CRTC3: variants seen among roughly 807,000 people sequenced by gnomAD.
The protein encoded by CRTC3 is CREB-regulated transcription coactivator 3.
In CRTC3, 26 loss-of-function variants were observed where a neutral mutation model predicts 74.5. That is an observed-to-expected ratio of 0.35 (90% CI 0.26 to 0.48). The LOEUF (loss-of-function observed/expected upper bound fraction) is 0.48, where lower values mean the gene tolerates loss of function less well. Among genes scored for constraint, CRTC3 ranks in the 20% least tolerant of loss-of-function variants. CRTC3 has a pLI of 0.99. For synonymous variants in CRTC3, 377 were observed against 325.8 expected (o/e 1.16, Z -1.69); for missense variants, 760 against 787.3 (o/e 0.97, Z 0.41).
chr15:90,548,165 A>C (rs1567161921), intron 2 of CRTC3, among the ~76,000 whole-genome samples: 1 of 151,970 alleles, frequency 6.6e-6, no homozygotes, highest in Non-Finnish European at 1.5e-5. Context: ...GTAGGATTAC[A>C]GGTGTGAGCC....
chr15:90,552,254 G>A (rs1330486950), intron 2 of CRTC3, among the ~76,000 whole-genome samples: 4 of 152,160 alleles, frequency 2.6e-5, no homozygotes, highest in South Asian at 2.1e-4. Flanking sequence ...ACTGCGGCCC[G>A]AGCAGCCGGC....
intron 9 of CRTC3, 50 bp from the exon 10 acceptor site, chr15:90,625,726 C>CAACA: frequency 6.5e-7 from 1 of 1,540,856 alleles, no homozygotes. Context: ...TTTGGTTTCC[C>CAACA]AACAGCCAAA....
intron 5 of CRTC3, 98 bp downstream of exon 5, chr15:90,604,545 A>T: frequency 1.1e-6 from 1 of 943,898 alleles, no homozygotes; most frequent in East Asian, 2.4e-5. Context: ...TGTTTATGTA[A>T]GCTGTGTTGA....
chr15:90,546,814 G>C (rs934219468), intron 2 of CRTC3, among the ~76,000 whole-genome samples: 1 of 152,088 alleles, frequency 6.6e-6, no homozygotes, highest in African/African-American at 2.4e-5. Context: ...TATTAGAGAC[G>C]GGGTTTCACT....
chr15:90,545,164 C>G (rs2151058485), intron 2 of CRTC3, among the ~76,000 whole-genome samples: 1 of 152,276 alleles, frequency 6.6e-6, no homozygotes, highest in African/African-American at 2.4e-5. Context: ...GTGTTATAGT[C>G]TGTGACATGA....
At chr15:90,550,468 A>G (rs1190417628) in intron 2 of CRTC3, among the ~76,000 whole-genome samples, 1 of 129,308 alleles carries the variant, frequency 7.7e-6, no homozygotes, top group African/African-American at 2.9e-5. Context: ...TTTTGAGTCT[A>G]TAAAATGTAT....
chr15:90,610,801 A>C (rs940738700), intron 6 of CRTC3, among the ~76,000 whole-genome samples: 1 of 152,126 alleles, frequency 6.6e-6, no homozygotes, highest in Non-Finnish European at 1.5e-5. Context: ...GACATCGGGC[A>C]TGTGGAGGAG....
At chr15:90,573,912 T>G (rs1391960983) in intron 2 of CRTC3, among the ~76,000 whole-genome samples, 1 of 152,216 alleles carries the variant, frequency 6.6e-6, no homozygotes, top group Non-Finnish European at 1.5e-5. Context: ...TATGTATGTA[T>G]CAGCAAATGT....
chr15:90,577,090 C>T (rs1253742042), intron 2 of CRTC3, among the ~76,000 whole-genome samples: 1 of 152,136 alleles, frequency 6.6e-6, no homozygotes, highest in Non-Finnish European at 1.5e-5. Context: ...CTTGCTCAGG[C>T]TGCCATGCAG....
At chr15:90,562,808 G>T (rs531982269) in intron 2 of CRTC3, among the ~76,000 whole-genome samples, 1 of 152,000 alleles carries the variant, frequency 6.6e-6, no homozygotes, top group Non-Finnish European at 1.5e-5. Flanking sequence ...GATGGAAGAG[G>T]GGGGTCAGTT....
At chr15:90,629,597 C>G in intron 11 of CRTC3, 65 bp downstream of exon 11, 1 of 1,531,250 alleles carries the variant, frequency 6.5e-7, no homozygotes, top group Non-Finnish European at 9.0e-7. Flanking sequence ...GAAGTGCATT[C>G]CTCCTCTTTA....
intron 10 of CRTC3, among the ~76,000 whole-genome samples, chr15:90,628,410 A>G (rs781057541): frequency 6.6e-6 from 1 of 152,152 alleles, no homozygotes; most frequent in Non-Finnish European, 1.5e-5. Flanking sequence ...TTGCCAGTTG[A>G]GATACACACA....
chr15:90,537,545 G>A (rs559806038), intron 1 of CRTC3, among the ~76,000 whole-genome samples: 30 of 152,254 alleles, frequency 2.0e-4, no homozygotes, highest in African/African-American at 7.0e-4. Flanking sequence ...CACCATGCCT[G>A]GCTAATTTTT....
At chr15:90,602,289 AT>A in intron 3 of CRTC3, 34 bp from the exon 4 acceptor site, 1 of 1,274,284 alleles carries the variant, frequency 7.8e-7, no homozygotes, top group Non-Finnish European at 1.1e-6. Flanking sequence ...TCATCTTTCC[AT>A]TAATTTTTAT....
intron 9 of CRTC3, chr15:90,625,093 A>G (rs1968785037): frequency 6.5e-6 from 1 of 152,708 alleles, no homozygotes; most frequent in African/African-American, 2.4e-5. Context: ...CACATAGAAC[A>G]AAGTTCATGT....
chr15:90,606,501 G>A (rs1182664910), intron 5 of CRTC3, among the ~76,000 whole-genome samples: 3 of 152,112 alleles, frequency 2.0e-5, no homozygotes, highest in Non-Finnish European at 4.4e-5. Context: ...GGCAGATGTT[G>A]CAGTGAGCCG....
chr15:90,555,911 A>G (rs1487035450), intron 2 of CRTC3, among the ~76,000 whole-genome samples: 1 of 152,160 alleles, frequency 6.6e-6, no homozygotes, highest in African/African-American at 2.4e-5. Flanking sequence ...TTTGTTTTTC[A>G]TTATAAAAGT....
chr15:90,579,826 G>C lies in CRTC3; in HGVS notation c.232-13810G>C, dbSNP rs555093414. On this transcript the variant is annotated intron_variant, in intron 2 of 14. Coordinates refer to ENST00000268184, the MANE Select transcript of CRTC3 (RefSeq NM_022769.5). Reference sequence around the variant, plus strand: ...CCAGCTAATTTTTGTATTTTCAGTAGAGACAGGGTTTTACCATGTTTGCCA... The same window carrying C: ...CCAGCTAATTTTTGTATTTTCAGTACAGACAGGGTTTTACCATGTTTGCCA... 1.1e-4 allele frequency among the ~76,000 whole-genome samples: 17 copies of C among 152,002 alleles called. No individual in the cohort carries two copies. The South Asian group carries it at 3.5e-3, about 32-fold the overall frequency.
At chr15:90,607,217 T>G (rs1160979179) in intron 5 of CRTC3, among the ~76,000 whole-genome samples, 161 bp from the exon 6 acceptor site, 1 of 152,228 alleles carries the variant, frequency 6.6e-6, no homozygotes, top group Admixed American at 6.5e-5. Flanking sequence ...AGGCTGTTAA[T>G]TGATATAAAG....
Sources: gnomAD v4.1 joint callset for allele counts (sites outside exome capture counted in the v4.1 genomes callset) on GRCh38, gnomAD v4.1.1 for gene constraint, MANE v1.5 for transcripts, NCBI Gene and HGNC (gene_info 2026-07-23, HGNC 2026-07-21) for gene names.